The following MARCHF3 variants were observed in gnomAD, a reference collection of about 807,000 sequenced individuals.
MARCHF3 encodes membrane associated ring-CH-type finger 3, also known as E3 ubiquitin-protein ligase MARCHF3.
In MARCHF3, 13 loss-of-function variants were observed where a neutral mutation model predicts 24.2. That is an observed-to-expected ratio of 0.54 (90% CI 0.35 to 0.85). The LOEUF (loss-of-function observed/expected upper bound fraction) is 0.85. MARCHF3 is among the 40% of genes least tolerant of loss of function. The pLI, the probability that MARCHF3 is intolerant of heterozygous loss-of-function variation, is 0.01. For synonymous variants in MARCHF3, 144 were observed against 137.3 expected (o/e 1.05, Z -0.34); for missense variants, 276 against 325.0 (o/e 0.85, Z 1.16).
At chr5:126,969,231 A>C (rs964995900) in intron 1 of MARCHF3, among the ~76,000 whole-genome samples, 11 of 152,216 alleles carry the variant, frequency 7.2e-5, no homozygotes, top group African/African-American at 2.7e-4. Flanking sequence ...GGCCTCCAAG[A>C]GTTTAGAAAA....
intron 1 of MARCHF3, among the ~76,000 whole-genome samples, chr5:127,001,479 C>T (rs939553677): frequency 6.6e-6 from 1 of 152,146 alleles, no homozygotes; most frequent in African/African-American, 2.4e-5. Context: ...ATTCTTGACT[C>T]AAACTACAAA....
intron 1 of MARCHF3, among the ~76,000 whole-genome samples, chr5:126,949,035 T>C (rs1750128314): frequency 6.6e-6 from 1 of 152,210 alleles, no homozygotes. Flanking sequence ...ACAAAGCTTA[T>C]GATATATGCA....
At chr5:127,004,138 G>C (rs1752228613) in intron 1 of MARCHF3, among the ~76,000 whole-genome samples, 1 of 152,168 alleles carries the variant, frequency 6.6e-6, no homozygotes, top group African/African-American at 2.4e-5. Flanking sequence ...AATTCCAAAG[G>C]AGAGCCCGTC....
chr5:126,920,955 T>A lies in MARCHF3; in HGVS notation c.-56-2728A>T, dbSNP rs114334061. ...TTCGTAGTGGGTGCTGGGCACTGAGTTTAGCATAAAAGAACAAAAGAAACC... is the reference window on the plus strand; with the variant it reads ...TTCGTAGTGGGTGCTGGGCACTGAGATTAGCATAAAAGAACAAAAGAAACC... On this transcript the variant is annotated intron_variant, in intron 1 of 4. Coordinates refer to ENST00000308660, the MANE Select transcript of MARCHF3 (RefSeq NM_178450.5). 4.9e-3 allele frequency among the ~76,000 whole-genome samples: 737 copies of A among 151,920 alleles called. 6 individuals carry two copies. The highest frequency in any genetic ancestry group is 0.017 in the African/African-American group (707 of 41,402).
intron 1 of MARCHF3, among the ~76,000 whole-genome samples, chr5:126,935,520 A>G (rs1442795222): frequency 6.9e-6 from 1 of 144,728 alleles, no homozygotes; most frequent in Non-Finnish European, 1.5e-5. Context: ...ATATGTTCCT[A>G]TTGGTTCTGT....
chr5:127,000,454 C>T (rs999695785), intron 1 of MARCHF3, among the ~76,000 whole-genome samples: 2 of 152,076 alleles, frequency 1.3e-5, no homozygotes, highest in Non-Finnish European at 2.9e-5. Context: ...ATCCCTTACA[C>T]CCCCAGATAA....
At chr5:126,931,447 A>G (rs1347421626) in intron 1 of MARCHF3, among the ~76,000 whole-genome samples, 1 of 152,218 alleles carries the variant, frequency 6.6e-6, no homozygotes, top group Non-Finnish European at 1.5e-5. Flanking sequence ...AGATCTTTCT[A>G]GTAAATGGTT....
chr5:126,889,487 A>G (rs1753606389), intron 3 of MARCHF3, among the ~76,000 whole-genome samples: 1 of 152,058 alleles, frequency 6.6e-6, no homozygotes, highest in African/African-American at 2.4e-5. Context: ...CTATCCAAGC[A>G]GAGTATGGTG....
rs534516220 is a variant in MARCHF3 at position 126,910,768 on chromosome 5, A to G, written c.393+4162T>C. 2.0e-5 allele frequency among the ~76,000 whole-genome samples: 3 copies of G among 152,342 alleles called. No individual in the cohort carries two copies. In the East Asian group the frequency reaches 5.8e-4, roughly 29 times the overall value. On this transcript the variant is annotated intron_variant, in intron 3 of 4. Transcript: ENST00000308660. ...ACAATATGATATCTGGGCACCTTGAAAAAAGAACAGGATAACAGCAATGTT... is the reference window on the plus strand; with the variant it reads ...ACAATATGATATCTGGGCACCTTGAGAAAAGAACAGGATAACAGCAATGTT...
chr5:126,977,057 G>C (rs546153460), intron 1 of MARCHF3, among the ~76,000 whole-genome samples: 2 of 152,208 alleles, frequency 1.3e-5, no homozygotes, highest in Admixed American at 6.5e-5. Flanking sequence ...TGGCCAGACT[G>C]CTGTCCACCC....
At chr5:126,949,138 G>A (rs1033540909) in intron 1 of MARCHF3, among the ~76,000 whole-genome samples, 9 of 152,190 alleles carry the variant, frequency 5.9e-5, no homozygotes, top group African/African-American at 1.9e-4. Context: ...GGCAAACACA[G>A]TTATAAATGC....
At chr5:126,979,661 A>G (rs1751321488) in intron 1 of MARCHF3, among the ~76,000 whole-genome samples, 1 of 152,154 alleles carries the variant, frequency 6.6e-6, no homozygotes, top group Admixed American at 6.5e-5. Flanking sequence ...TTAGAAATGA[A>G]AGTGAGGCCA....
At chr5:126,915,519 C>T (rs939399526) in intron 2 of MARCHF3, among the ~76,000 whole-genome samples, 36 of 152,340 alleles carry the variant, frequency 2.4e-4, no homozygotes, top group African/African-American at 7.2e-4. Context: ...TTGAATCTTT[C>T]GGACCAAACC....
chr5:126,967,024 C>T (rs1337473930), intron 1 of MARCHF3, among the ~76,000 whole-genome samples: 1 of 143,236 alleles, frequency 7.0e-6, no homozygotes, highest in Non-Finnish European at 1.5e-5. Flanking sequence ...GGTTACATGA[C>T]TAAGTTCTTC....
intron 1 of MARCHF3, among the ~76,000 whole-genome samples, chr5:126,991,738 C>T (rs1751769864): frequency 6.6e-6 from 1 of 151,356 alleles, no homozygotes; most frequent in African/African-American, 2.4e-5. Flanking sequence ...AAAAAAGAAA[C>T]CTAGTGGCAT....
intron 1 of MARCHF3, among the ~76,000 whole-genome samples, chr5:127,029,567 T>C (rs543727000): frequency 2.9e-4 from 44 of 152,306 alleles, no homozygotes; most frequent in Non-Finnish European, 5.6e-4. Context: ...CCTTGAGTTC[T>C]CTGCTGTCAA....
intron 1 of MARCHF3, among the ~76,000 whole-genome samples, chr5:127,028,656 A>G (rs374640228): frequency 6.6e-6 from 1 of 152,120 alleles, no homozygotes; most frequent in South Asian, 2.1e-4. Flanking sequence ...CCATACTGCA[A>G]AGCTGTAAAC....
At chr5:126,887,975 C>T (rs1345203764) in intron 3 of MARCHF3, among the ~76,000 whole-genome samples, 2 of 152,202 alleles carry the variant, frequency 1.3e-5, no homozygotes, top group African/African-American at 2.4e-5. Context: ...CCTTTCTCCC[C>T]AGCAGGGAAG....
chr5:126,874,291 A>C (rs561089738), intron 4 of MARCHF3, among the ~76,000 whole-genome samples: 153 of 152,298 alleles, frequency 1.0e-3, no homozygotes, highest in African/African-American at 3.5e-3. Flanking sequence ...GGTGTGCTAT[A>C]AAGTCACAGC....
Sources: allele counts gnomAD v4.1 joint callset (sites outside exome capture counted in the v4.1 genomes callset), GRCh38; gene constraint gnomAD v4.1.1; transcripts MANE v1.5; gene names NCBI Gene and HGNC (gene_info 2026-07-23, HGNC 2026-07-21).